Variants in ZC3H6 observed in about 807,000 individuals in gnomAD.
ZC3H6 encodes zinc finger CCCH domain-containing protein 6.
In ZC3H6, 40 loss-of-function variants were observed where a neutral mutation model predicts 107.7. That is an observed-to-expected ratio of 0.37 (90% CI 0.29 to 0.48). The LOEUF (loss-of-function observed/expected upper bound fraction) is 0.48, where lower values mean the gene tolerates loss of function less well. Ranked by LOEUF, ZC3H6 falls within the 20% of genes least tolerant of loss-of-function variation. The pLI is 0.98. For missense variants in ZC3H6, 1,267 were observed against 1,410.4 expected (o/e 0.90, Z 1.63); for synonymous variants, 493 against 487.9 (o/e 1.01, Z -0.14).
At chr2:112,320,589 C>G (rs553277604) in intron 7 of ZC3H6, among the ~76,000 whole-genome samples, 1 of 152,020 alleles carries the variant, frequency 6.6e-6, no homozygotes, top group African/African-American at 2.4e-5. Context: ...ATAATAAAAA[C>G]AAATAAAATG....
At chr2:112,287,012 A>T (rs1052281827) in intron 1 of ZC3H6, among the ~76,000 whole-genome samples, 1 of 152,190 alleles carries the variant, frequency 6.6e-6, no homozygotes, top group Non-Finnish European at 1.5e-5. Context: ...CCAAATGCCC[A>T]TTGGGATATT....
intron 3 of ZC3H6, among the ~76,000 whole-genome samples, chr2:112,307,750 C>T (rs541865799): frequency 9.9e-5 from 15 of 152,196 alleles, no homozygotes; most frequent in South Asian, 2.1e-4. Flanking sequence ...TGGGATGGAA[C>T]GTGCATTCTT....
At chr2:112,297,462 T>G (rs1232745577) in intron 1 of ZC3H6, among the ~76,000 whole-genome samples, 1 of 152,256 alleles carries the variant, frequency 6.6e-6, no homozygotes, top group Non-Finnish European at 1.5e-5. Context: ...TGTAGTAGTT[T>G]GCACTTTTTC....
chr2:112,294,947 A>G (rs1676204165), intron 1 of ZC3H6, among the ~76,000 whole-genome samples: 1 of 152,146 alleles, frequency 6.6e-6, no homozygotes, highest in South Asian at 2.1e-4. Context: ...CTTTATTGAG[A>G]TACATTTCAC....
intron 1 of ZC3H6, among the ~76,000 whole-genome samples, chr2:112,291,650 C>T (rs968366366): frequency 6.6e-5 from 10 of 151,022 alleles, no homozygotes; most frequent in Non-Finnish European, 1.0e-4. Flanking sequence ...TGTTTCTCTC[C>T]GCACAGAAAG....
At chr2:112,330,236 G>A (rs1677000243) in intron 11 of ZC3H6, among the ~76,000 whole-genome samples, 1 of 151,990 alleles carries the variant, frequency 6.6e-6, no homozygotes, top group African/African-American at 2.4e-5. Flanking sequence ...TGTATTTTTA[G>A]TAGAGACGGG....
chr2:112,275,937 C>A lies in ZC3H6; in HGVS notation c.-58C>A. 7.4e-6 allele frequency: 11 copies of A among 1,487,336 alleles called. No individual in the cohort carries two copies. Among genetic ancestry groups the A allele is most frequent in the Non-Finnish European group, 9.9e-6 (11 of 1,114,700 alleles). The allele number at this position is 1,487,336 out of a possible 1,614,324, so 92.1% of individuals were successfully genotyped here. A position where few individuals can be genotyped will look rare whatever the true frequency, so the allele number is the denominator to read the frequency against. On this transcript the variant is annotated 5_prime_UTR_variant, in exon 1 of 12. Transcript: ENST00000409871. The stretch of plus-strand genomic sequence containing the variant: ...GCGGCGCGGGGGGTCTTCCCCGCGC[C>A]CCGCCGCCGCCGGCCTCGCAGACCT...
At position 112,335,212 on chromosome 2, in the gene ZC3H6, A is replaced by G. The variant is rs990101085; in HGVS notation, c.*2724A>G. The G allele has an allele frequency of 6.6e-6, 1 of 152,200 alleles. No homozygotes were observed. The highest frequency in any genetic ancestry group is 2.1e-4 in the South Asian group (1 of 4,830). The allele number at this position is 152,200 out of a possible 1,614,324, so 9.4% of individuals were successfully genotyped here. On this transcript the variant is annotated 3_prime_UTR_variant, in exon 12 of 12. Coordinates refer to ENST00000409871, the MANE Select transcript of ZC3H6 (RefSeq NM_198581.3). ...TATTTCAACAATTGGGTCTGTTTCT[A>G]TATGGACCCTCTATTTCCCAGCTGA...
chr2:112,290,315 A>G (rs1676087010), intron 1 of ZC3H6, among the ~76,000 whole-genome samples: 2 of 152,234 alleles, frequency 1.3e-5, no homozygotes, highest in Admixed American at 1.3e-4. Flanking sequence ...AGTTTTGCTC[A>G]TCCTATTCCT....
At chr2:112,306,625 T>C (rs1676482344) in intron 3 of ZC3H6, among the ~76,000 whole-genome samples, 1 of 152,210 alleles carries the variant, frequency 6.6e-6, no homozygotes, top group South Asian at 2.1e-4. Flanking sequence ...GTTCTTTTCC[T>C]TCAGAAAGGA....
chr2:112,295,982 C>T (rs1366753461), intron 1 of ZC3H6, among the ~76,000 whole-genome samples: 3 of 151,638 alleles, frequency 2.0e-5, no homozygotes, highest in African/African-American at 2.4e-5. Context: ...GAAGGAGAGG[C>T]GCAGTAAAAG....
Position 112,333,725 on chromosome 2 carries a change from C to A in ZC3H6, c.*1237C>A, listed in dbSNP as rs968568051. 3.9e-5 allele frequency: 6 copies of A among 152,010 alleles called. No individual in the cohort carries two copies. Among genetic ancestry groups the A allele is most frequent in the Admixed American group, 1.3e-4 (2 of 15,256 alleles). 9.4% of individuals were successfully genotyped at this position (152,010 alleles called of 1,614,324 possible). ...ATTAGACTGCTACTCATATTTTGAA[C>A]TGCAGGTGTAGGACAGTGTTTGCTG... On this transcript the variant is annotated 3_prime_UTR_variant, in exon 12 of 12. Transcript: ENST00000409871.
chr2:112,302,851 A>G (rs1002073291), intron 2 of ZC3H6, among the ~76,000 whole-genome samples: 7 of 151,890 alleles, frequency 4.6e-5, no homozygotes, highest in African/African-American at 1.7e-4. Flanking sequence ...TTAGGTAAAA[A>G]CAAATTAATA....
At chr2:112,327,196 T>G (rs1441298896) in intron 11 of ZC3H6, among the ~76,000 whole-genome samples, 1 of 152,220 alleles carries the variant, frequency 6.6e-6, no homozygotes, top group Non-Finnish European at 1.5e-5. Flanking sequence ...ATTTCCTGTC[T>G]TTTGGATAAG....
In ZC3H6 at chr2:112,334,953, A is replaced by G. The variant is rs990216111; in HGVS notation, c.*2465A>G. ...AGATAACAGAAATAACTTGAGTCTTAAGAGTATGGATAGGCTCATCCAATG... is the reference window on the plus strand; with the variant it reads ...AGATAACAGAAATAACTTGAGTCTTGAGAGTATGGATAGGCTCATCCAATG... On this transcript the variant is annotated 3_prime_UTR_variant, in exon 12 of 12. Transcript: ENST00000409871. The G allele has an allele frequency of 2.4e-4, 36 of 152,602 alleles. No individual in the cohort carries two copies. The highest frequency in any genetic ancestry group is 8.7e-4 in the African/African-American group (36 of 41,450). 9.5% of individuals were successfully genotyped at this position (152,602 alleles called of 1,614,324 possible).
intron 1 of ZC3H6, among the ~76,000 whole-genome samples, chr2:112,296,494 T>G (rs1382645999): frequency 6.6e-6 from 1 of 152,228 alleles, no homozygotes; most frequent in Non-Finnish European, 1.5e-5. Flanking sequence ...AAAACATTCT[T>G]ATACTTGTCT....
At chr2:112,312,163 C>G (rs1183443891) in intron 5 of ZC3H6, 1 of 435,586 alleles carries the variant, frequency 2.3e-6, no homozygotes, top group African/African-American at 2.0e-5. Flanking sequence ...TTTGAAAGAA[C>G]CTCAAAATAA....
rs5833443 is a variant in ZC3H6, at chr2:112,312,864, T to TAA, written c.747+941_747+942dup. On this transcript the variant is annotated intron_variant, in intron 5 of 11. Transcript: ENST00000409871. Reference sequence around the variant, plus strand: ...GACAGAGCGAGACTCCATCTCAAAATAAAAAAAAAAAAAAAGCTGCAACTT... The same window carrying TAA: ...GACAGAGCGAGACTCCATCTCAAAATAAAAAAAAAAAAAAAAAGCTGCAACTT... Among the ~76,000 whole-genome samples the TAA allele has an allele frequency of 1.3e-3, 167 of 131,604 alleles. 1 individual carries two copies. Among genetic ancestry groups the TAA allele is most frequent in the African/African-American group, 3.3e-3 (123 of 37,410 alleles). 86.3% of individuals were successfully genotyped at this position (131,604 alleles called of 152,430 possible).
At position 112,332,217 on chromosome 2, in the gene ZC3H6, G is replaced by A. The variant is rs1677049484; in HGVS notation, c.3299G>A (p.Ser1100Asn). ...PGEAILPQKP[S>N]PNVGVTLEGP... ...GAAGCCATCCTTCCACAAAAACCCA[G>A]TCCAAACGTGGGAGTCACTCTTGAG... The change falls in exon 12 of 12, where the codon AGT becomes AAT. Residue 1100 changes from serine to asparagine, a missense_variant. Coordinates refer to ENST00000409871, the MANE Select transcript of ZC3H6 (RefSeq NM_198581.3). 1 of 1,613,838 alleles carries A rather than the reference G, an allele frequency of 6.2e-7. No homozygotes were observed. The highest frequency in any genetic ancestry group is 1.7e-5 in the Admixed American group (1 of 59,992).
Sources: allele counts gnomAD v4.1 joint callset (sites outside exome capture counted in the v4.1 genomes callset), GRCh38; gene constraint gnomAD v4.1.1; transcripts MANE v1.5; gene names NCBI Gene and HGNC (gene_info 2026-07-23, HGNC 2026-07-21).